GNB1: variants seen among roughly 807,000 people sequenced by gnomAD.
GNB1 encodes G protein subunit beta 1.
A neutral mutation model predicts 42.9 loss-of-function variants in GNB1; 2 were observed. The ratio of observed to expected loss-of-function variants is 0.05; its 90% confidence interval spans 0.02 to 0.15. The LOEUF (loss-of-function observed/expected upper bound fraction) is 0.15. Among genes scored for constraint, GNB1 ranks in the 10% least tolerant of loss-of-function variants. GNB1 has a pLI of 1.00. For synonymous variants in GNB1, 183 were observed against 174.7 expected (o/e 1.05, Z -0.38); for missense variants, 193 against 462.2 (o/e 0.42, Z 5.34).
intron 1 of GNB1, among the ~76,000 whole-genome samples, chr1:1,849,870 C>A (rs1443992736): frequency 6.6e-6 from 1 of 152,146 alleles, no homozygotes; most frequent in Non-Finnish European, 1.5e-5. Context: ...TGAAAAAATT[C>A]TCAACCATTA....
In GNB1 at chr1:1,817,828, G is replaced by A. The variant is rs1017496318; in HGVS notation, c.96+9C>T. ...GCAGATGGCTCTGCGTGACTCAGTG[G>A]GCTCTTACCTGAGAGAGAGTTGCAT... is the stretch of plus-strand genomic sequence containing the variant. On this transcript the variant is annotated intron_variant, in intron 4 of 11. Coordinates refer to ENST00000378609, the MANE Select transcript of GNB1 (RefSeq NM_002074.5). The A allele has an allele frequency of 6.2e-7, 1 of 1,605,400 alleles. No homozygotes were observed. Among genetic ancestry groups the A allele is most frequent in the East Asian group, 2.2e-5 (1 of 44,842 alleles).
intron 1 of GNB1, among the ~76,000 whole-genome samples, chr1:1,853,348 G>T (rs974507925): frequency 6.6e-6 from 1 of 152,140 alleles, no homozygotes; most frequent in Non-Finnish European, 1.5e-5. Flanking sequence ...AGCTCTTACT[G>T]ACTGTATTCC....
intron 1 of GNB1, among the ~76,000 whole-genome samples, chr1:1,845,083 A>G (rs893191929): frequency 6.6e-6 from 1 of 152,208 alleles, no homozygotes; most frequent in African/African-American, 2.4e-5. Flanking sequence ...AACAAACTAG[A>G]AATGCCTTCT....
intron 2 of GNB1, among the ~76,000 whole-genome samples, chr1:1,831,631 TAG>T (rs1346846597): frequency 6.6e-6 from 1 of 151,920 alleles, no homozygotes; most frequent in Non-Finnish European, 1.5e-5. Context: ...GTATTTTTAG[TAG>T]AGACAGGGTT....
At chr1:1,793,104 A>G (rs2100544602) in intron 8 of GNB1, 141 bp downstream of exon 8, 1 of 508,406 alleles carries the variant, frequency 2.0e-6, no homozygotes, top group South Asian at 3.3e-5. Context: ...CATTGCTACT[A>G]TGTGTTTTAA....
chr1:1,816,293 A>G (rs1406064846), intron 4 of GNB1, among the ~76,000 whole-genome samples: 1 of 152,156 alleles, frequency 6.6e-6, no homozygotes, highest in Non-Finnish European at 1.5e-5. Flanking sequence ...GTGGGCCTGC[A>G]TGACACCTGC....
Position 1,876,562 on chromosome 1 carries a change from CA to C in GNB1, c.-96+14257del, listed in dbSNP as rs1649559812. Among the ~76,000 whole-genome samples the C allele has an allele frequency of 1.3e-5, 2 of 152,016 alleles. 1 individual carries two copies. The highest frequency in any genetic ancestry group is 4.1e-4 in the South Asian group (2 of 4,830). On this transcript the variant is annotated intron_variant, in intron 1 of 11. Coordinates refer to ENST00000378609, the MANE Select transcript of GNB1 (RefSeq NM_002074.5). The stretch of plus-strand genomic sequence containing the variant: ...ACGAGCCAGTGAGCAAGCGCACACA[CA>C]TGCAAAAATGGGGTCTCACTATGTT...
At chr1:1,842,858 C>T (rs1647370632) in intron 1 of GNB1, among the ~76,000 whole-genome samples, 1 of 152,218 alleles carries the variant, frequency 6.6e-6, no homozygotes, top group Non-Finnish European at 1.5e-5. Flanking sequence ...ATGCAAACTA[C>T]CCCAGACTTC....
At chr1:1,850,609 T>G (rs995666484) in intron 1 of GNB1, among the ~76,000 whole-genome samples, 2 of 152,094 alleles carry the variant, frequency 1.3e-5, no homozygotes, top group Non-Finnish European at 2.9e-5. Flanking sequence ...TTTCTAGAGT[T>G]TCTGCCTCCT....
At chr1:1,830,984 T>C (rs1479224373) in intron 2 of GNB1, among the ~76,000 whole-genome samples, 1 of 152,102 alleles carries the variant, frequency 6.6e-6, no homozygotes, top group Admixed American at 6.5e-5. Context: ...GCCAACGTGG[T>C]GAAACTCCGT....
chr1:1,787,062 AAC>A lies in GNB1; in HGVS notation c.*10-11_*10-10del. On this transcript the variant is annotated splice_polypyrimidine_tract_variant and intron_variant, in intron 11 of 11. Transcript: ENST00000378609. The surrounding 1 kb of genome is among the most constrained non-coding windows in gnomAD (Gnocchi z 4.4). ...TCCATGGCATCCACATGCTGTTTTA[AAC>A]AGAGTTTAAAGAAATGTGAAAAGAG... 3.1e-6 allele frequency: 1 copy of A among 322,248 alleles called. No homozygotes were observed. Among genetic ancestry groups the A allele is most frequent in the Non-Finnish European group, 5.8e-6 (1 of 171,450 alleles). 20.0% of individuals were successfully genotyped at this position (322,248 alleles called of 1,614,324 possible). A position where few individuals can be genotyped will look rare whatever the true frequency, so the allele number is the denominator to read the frequency against.
chr1:1,884,263 G>A (rs1038327115), intron 1 of GNB1, among the ~76,000 whole-genome samples: 7 of 152,014 alleles, frequency 4.6e-5, no homozygotes, highest in African/African-American at 1.7e-4. Context: ...CCATGCCTGG[G>A]TAATTTTTTG....
intron 7 of GNB1, among the ~76,000 whole-genome samples, chr1:1,802,861 A>C (rs1308624992): frequency 6.6e-6 from 1 of 152,196 alleles, no homozygotes; most frequent in Non-Finnish European, 1.5e-5. Context: ...TCTATTTGAA[A>C]AGGAAGCAAA....
At chr1:1,808,924 A>T (rs912166302) in intron 5 of GNB1, among the ~76,000 whole-genome samples, 1 of 152,170 alleles carries the variant, frequency 6.6e-6, no homozygotes, top group Admixed American at 6.6e-5. Flanking sequence ...GATTACAGAC[A>T]TAAGCCACAG....
At chr1:1,870,281 CCTT>C (rs1649175930) in intron 1 of GNB1, among the ~76,000 whole-genome samples, 1 of 152,120 alleles carries the variant, frequency 6.6e-6, no homozygotes. Flanking sequence ...ACCTCAAACT[CCTT>C]CTGCCTCAGC....
At chr1:1,879,589 C>G (rs1649729293) in intron 1 of GNB1, among the ~76,000 whole-genome samples, 1 of 151,816 alleles carries the variant, frequency 6.6e-6, no homozygotes, top group East Asian at 1.9e-4. Flanking sequence ...CCTGTAGTCC[C>G]AGCTATTCGG....
At chr1:1,800,520 G>C (rs1478255077) in intron 7 of GNB1, among the ~76,000 whole-genome samples, 2 of 152,122 alleles carry the variant, frequency 1.3e-5, no homozygotes, top group South Asian at 2.1e-4. Flanking sequence ...GTGGGAAAGT[G>C]ATGAACAAAC....
At chr1:1,856,439 C>A (rs1648302081) in intron 1 of GNB1, among the ~76,000 whole-genome samples, 2 of 150,750 alleles carry the variant, frequency 1.3e-5, no homozygotes, top group African/African-American at 4.9e-5. Flanking sequence ...TTCTTTCTTT[C>A]TTTTTTTGAG....
intron 6 of GNB1, among the ~76,000 whole-genome samples, chr1:1,804,852 G>A (rs572038962): frequency 2.2e-4 from 34 of 152,326 alleles, no homozygotes; most frequent in Non-Finnish European, 4.0e-4. Flanking sequence ...TAACAGTAGT[G>A]CTGCCCACTC....
Sources: allele counts gnomAD v4.1 joint callset (sites outside exome capture counted in the v4.1 genomes callset), GRCh38; gene constraint gnomAD v4.1.1; non-coding constraint Gnocchi (gnomAD v3.1); transcripts MANE v1.5; gene names NCBI Gene and HGNC (gene_info 2026-07-23, HGNC 2026-07-21).